ADGRL4: variants seen among roughly 807,000 people sequenced by gnomAD.
ADGRL4 encodes EGF, latrophilin and seven transmembrane domain containing 1.
ADGRL4 carries 90 observed loss-of-function variants against 74.8 expected under a neutral mutation model. The ratio of observed to expected loss-of-function variants is 1.20; its 90% confidence interval spans 1.02 to 1.43. The LOEUF (loss-of-function observed/expected upper bound fraction) is 1.43. Among genes scored for constraint, ADGRL4 ranks in the 40% most tolerant of loss-of-function variants. The pLI is 0.00. For synonymous variants in ADGRL4, 311 were observed against 279.2 expected (o/e 1.11, Z -1.14); for missense variants, 881 against 814.3 (o/e 1.08, Z -1.00).
At position 78,935,523 on chromosome 1, in the gene ADGRL4, CA is replaced by C. The variant is rs1337559640; in HGVS notation, c.877+771del. Among the ~76,000 whole-genome samples the C allele has an allele frequency of 1.6e-4, 13 of 82,308 alleles. No homozygotes were observed. The East Asian group carries it at 4.8e-3, about 31-fold the overall frequency. 54.0% of individuals were successfully genotyped at this position (82,308 alleles called of 152,430 possible). Reference sequence around the variant, plus strand: ...GCTGTGCACGTTTCCCAGAGTTAAGCAAAATTAAAAAAAAAAAAACAAACCT... The same window carrying C: ...GCTGTGCACGTTTCCCAGAGTTAAGCAAATTAAAAAAAAAAAAACAAACCT... On this transcript the variant is annotated intron_variant, in intron 7 of 14. Transcript: ENST00000370742.
intron 2 of ADGRL4, among the ~76,000 whole-genome samples, chr1:78,989,847 T>C (rs1226757215): frequency 1.3e-5 from 2 of 151,972 alleles, no homozygotes; most frequent in East Asian, 1.9e-4. Context: ...TTTTCGTCTT[T>C]AGTCTTCAAA....
At chr1:78,892,214 T>C (rs1460374275) in intron 13 of ADGRL4, among the ~76,000 whole-genome samples, 1 of 152,198 alleles carries the variant, frequency 6.6e-6, no homozygotes, top group Non-Finnish European at 1.5e-5. Flanking sequence ...GGTTTTGTTT[T>C]ATTTTGTTTT....
chr1:78,947,116 G>T (rs1266582310), intron 2 of ADGRL4, among the ~76,000 whole-genome samples: 2 of 152,114 alleles, frequency 1.3e-5, no homozygotes, highest in Non-Finnish European at 2.9e-5. Flanking sequence ...GAAAATATGT[G>T]CTTCTCAGAG....
chr1:78,950,046 A>G (rs115463510), intron 2 of ADGRL4, among the ~76,000 whole-genome samples: 2,395 of 152,278 alleles, frequency 0.016, 28 homozygotes, highest in Middle Eastern at 0.027. Flanking sequence ...ATCAGATTGT[A>G]GAGTGTGTCA....
intron 2 of ADGRL4, among the ~76,000 whole-genome samples, chr1:78,984,072 A>G (rs1650448313): frequency 6.6e-6 from 1 of 151,844 alleles, no homozygotes; most frequent in Non-Finnish European, 1.5e-5. Flanking sequence ...CAACATTACT[A>G]CATAAGCAGT....
At chr1:78,994,972 T>A (rs1486127471) in intron 2 of ADGRL4, among the ~76,000 whole-genome samples, 1 of 152,208 alleles carries the variant, frequency 6.6e-6, no homozygotes, top group Non-Finnish European at 1.5e-5. Flanking sequence ...TCTTTTGGAA[T>A]TGCAACACAA....
chr1:78,959,888 G>A (rs563502903), intron 2 of ADGRL4, among the ~76,000 whole-genome samples: 1 of 152,176 alleles, frequency 6.6e-6, no homozygotes, highest in East Asian at 1.9e-4. Flanking sequence ...AAGGTTCAGA[G>A]TTCTATCAAA....
At chr1:78,972,222 A>G (rs1433363673) in intron 2 of ADGRL4, among the ~76,000 whole-genome samples, 1 of 152,166 alleles carries the variant, frequency 6.6e-6, no homozygotes, top group Non-Finnish European at 1.5e-5. Flanking sequence ...ATTCATGTAA[A>G]ACCTGTATTT....
intron 12 of ADGRL4, among the ~76,000 whole-genome samples, chr1:78,908,033 C>A (rs776987419): frequency 1.3e-5 from 2 of 151,968 alleles, no homozygotes; most frequent in East Asian, 3.9e-4. Flanking sequence ...GACCAAGCCA[C>A]GCAGACTGTC....
intron 2 of ADGRL4, among the ~76,000 whole-genome samples, chr1:78,960,658 C>G (rs1044247103): frequency 6.6e-6 from 1 of 152,046 alleles, no homozygotes; most frequent in Admixed American, 6.6e-5. Flanking sequence ...TTTCCCACCC[C>G]CAAATTTGTA....
chr1:78,912,621 T>C (rs773718493), intron 12 of ADGRL4, among the ~76,000 whole-genome samples: 8 of 151,844 alleles, frequency 5.3e-5, no homozygotes, highest in Non-Finnish European at 8.8e-5. Context: ...AGTTGGGGAT[T>C]GCTGATTTAA....
chr1:78,953,694 A>T (rs535427661), intron 2 of ADGRL4, among the ~76,000 whole-genome samples: 4 of 152,340 alleles, frequency 2.6e-5, no homozygotes, highest in African/African-American at 9.6e-5. Context: ...CAGGAGACAG[A>T]ACTTTATATA....
Position 78,917,911 on chromosome 1 carries a change from T to C in ADGRL4, c.1601A>G (p.Tyr534Cys). 1.2e-6 allele frequency: 2 copies of C among 1,612,710 alleles called. No homozygotes were observed. The highest frequency in any genetic ancestry group is 1.7e-6 in the Non-Finnish European group (2 of 1,179,140). ...GGCTGGGCTTAGATAGCCAAAGATA[T>C]AAAAATTCTTGTGCAAAAATCCCTT... ...YNKGFLHKNF[Y>C]IFGYLSPAVV... The change falls in exon 11 of 15, where the codon TAT (tyrosine) becomes TGT (cysteine). Residue 534 changes from tyrosine (Y) to cysteine (C), a missense_variant. By Grantham distance (194) the Tyr-to-Cys change is radical. Transcript: ENST00000370742.
chr1:78,953,787 C>T (rs1358010020), intron 2 of ADGRL4, among the ~76,000 whole-genome samples: 1 of 152,162 alleles, frequency 6.6e-6, no homozygotes, highest in African/African-American at 2.4e-5. Flanking sequence ...ACTGTGTGAT[C>T]ATGAACACAT....
chr1:78,895,952 A>T (rs1453525168), intron 12 of ADGRL4, among the ~76,000 whole-genome samples: 1 of 152,106 alleles, frequency 6.6e-6, no homozygotes, highest in Non-Finnish European at 1.5e-5. Context: ...TCATGAAAGA[A>T]CACAGGAGAC....
chr1:78,969,626 C>T (rs1303945007), intron 2 of ADGRL4, among the ~76,000 whole-genome samples: 1 of 151,768 alleles, frequency 6.6e-6, no homozygotes, highest in Non-Finnish European at 1.5e-5. Context: ...ACTCTTGCTG[C>T]ACTTCATTCA....
chr1:78,977,906 T>C (rs1483162305), intron 2 of ADGRL4, among the ~76,000 whole-genome samples: 4 of 151,636 alleles, frequency 2.6e-5, no homozygotes, highest in African/African-American at 9.7e-5. Flanking sequence ...AGCAAAAGAG[T>C]ATAGGCCAGT....
intron 12 of ADGRL4, among the ~76,000 whole-genome samples, chr1:78,898,291 G>A (rs1001718416): frequency 3.3e-5 from 5 of 151,900 alleles, no homozygotes; most frequent in Admixed American, 3.3e-4. Flanking sequence ...AGCAGACTTG[G>A]GTAAATCTTT....
At chr1:78,996,149 G>A (rs1294555520) in intron 2 of ADGRL4, among the ~76,000 whole-genome samples, 1 of 152,180 alleles carries the variant, frequency 6.6e-6, no homozygotes, top group East Asian at 1.9e-4. Flanking sequence ...GATGGATGTA[G>A]AAATGGGAAC....
Sources: allele counts gnomAD v4.1 joint callset (sites outside exome capture counted in the v4.1 genomes callset), GRCh38; gene constraint gnomAD v4.1.1; transcripts MANE v1.5; gene names NCBI Gene and HGNC (gene_info 2026-07-23, HGNC 2026-07-21).